Variants in CLUH observed in about 807,000 individuals in gnomAD.
CLUH encodes the protein clustered mitochondria protein homolog.
Under a neutral mutation model 139.3 loss-of-function variants are expected in CLUH, and 77 were observed. That is an observed-to-expected ratio of 0.55 (90% confidence interval 0.46 to 0.67). The LOEUF is 0.67. Ranked by LOEUF, CLUH falls within the 30% of genes least tolerant of loss-of-function variation. The pLI is 0.00. For missense variants in CLUH, 1,876 were observed against 1,875.8 expected (o/e 1.00, Z 0.00); for synonymous variants, 999 against 801.6 (o/e 1.25, Z -4.16).
At chr17:2,710,193 C>T (rs974604816) in intron 1 of CLUH, among the ~76,000 whole-genome samples, 2 of 152,240 alleles carry the variant, frequency 1.3e-5, no homozygotes, top group Non-Finnish European at 2.9e-5. Flanking sequence ...CACTTCGACT[C>T]TTCGGGTCTC....
At position 2,701,696 on chromosome 17, in the gene CLUH, C is replaced by T. The variant is rs761439519; in HGVS notation, c.661G>A (p.Asp221Asn). 15 of 1,588,242 alleles carry T rather than the reference C, an allele frequency of 9.4e-6. No homozygotes were observed. The highest frequency in any genetic ancestry group is 4.5e-5 in the East Asian group (2 of 44,422). ...RKKGLEMDPIDCTPPEYILPG... is the reference protein window; with the variant it reads ...RKKGLEMDPINCTPPEYILPG... ...AGGATGTACTCGGGTGGTGTGCAGT[C>T]GATGGGGTCCATCTCCAAGCCCTTC... is the stretch of plus-strand genomic sequence containing the variant. Residue 221 changes from aspartate to asparagine, a missense_variant, in exon 5 of 26, where the codon GAC becomes AAC. This residue lies in a region of CLUH where 270 missense variants were observed against 354.7 expected (regional missense o/e 0.76). Transcript: ENST00000651024.
chr17:2,700,550 C>A, intron 8 of CLUH, 76 bp from the exon 9 acceptor site: 1 of 1,556,742 alleles, frequency 6.4e-7, no homozygotes, highest in Non-Finnish European at 8.7e-7. Flanking sequence ...GCTCCTTCTA[C>A]CTTCCTGAGA....
At chr17:2,690,940 G>C (rs933392940) in intron 25 of CLUH, among the ~76,000 whole-genome samples, 163 bp from the exon 26 acceptor site, 4 of 152,140 alleles carry the variant, frequency 2.6e-5, no homozygotes, top group African/African-American at 9.7e-5. Flanking sequence ...CCCTGAACAC[G>C]GAGAAGGTAA....
At position 2,692,050 on chromosome 17, in the gene CLUH, G is replaced by T; in HGVS notation, c.3608C>A (p.Ser1203Ter). ...ACCCTCCTTCTCGTGCTGCAGGGCCGACCGGAACTCAGCTTTGCTCTCGTA... is the reference window on the plus strand; with the variant it reads ...ACCCTCCTTCTCGTGCTGCAGGGCCTACCGGAACTCAGCTTTGCTCTCGTA... ...RVYESKAEFR[S>*]ALQHEKEGYT... The change falls in exon 23 of 26, where the codon TCG (serine) becomes TAG (stop). Residue 1203 changes from serine to a stop codon, truncating the protein, a stop_gained. Transcript: ENST00000651024. LOFTEE classifies it high-confidence loss of function. 1 of 1,603,996 alleles carries T rather than the reference G, an allele frequency of 6.2e-7. No homozygotes were observed. Among genetic ancestry groups the T allele is most frequent in the South Asian group, 1.1e-5 (1 of 89,668 alleles).
Position 2,695,439 on chromosome 17 carries a change from AGCGCATGTTGATGCCCCGCTG to A in CLUH, c.2458_2478del (p.Gln820_Arg826del). 2 of 1,612,412 alleles carry A rather than the reference AGCGCATGTTGATGCCCCGCTG, an allele frequency of 1.2e-6. No homozygotes were observed. Among genetic ancestry groups the A allele is most frequent in the Non-Finnish European group, 1.7e-6 (2 of 1,179,762 alleles). Reference sequence around the variant, plus strand: ...ACCAGCTCCAGCACCTTGCCCAGGTAGCGCATGTTGATGCCCCGCTGGCGCATCACCTCTGCCAGCGTTGCC... The same window carrying A: ...ACCAGCTCCAGCACCTTGCCCAGGTAGCGCATCACCTCTGCCAGCGTTGCC... On this transcript the variant is annotated inframe_deletion, in exon 14 of 26. Transcript: ENST00000651024.
In CLUH at chr17:2,704,500, C is replaced by T. The variant is rs779234149; in HGVS notation, c.165G>A (p.Ala55=). 3.7e-5 allele frequency: 59 copies of T among 1,586,554 alleles called. No individual in the cohort carries two copies. The highest frequency in any genetic ancestry group is 6.9e-5 in the East Asian group (3 of 43,270). ...CPESLKKEAA[A]AEPPRENGLD... ...GCCCATTTTCCCTGGGTGGCTCGGC[C>T]GCCGCCGCCTCCTTCTTCAGGCTCT... The change falls in exon 2 of 26, where the codon GCG becomes GCA. Residue 55 remains alanine, a synonymous_variant. Transcript: ENST00000651024. The surrounding 1 kb of genome is among the most constrained non-coding windows in gnomAD (Gnocchi z 5.7).
chr17:2,690,549 C>T lies in CLUH; in HGVS notation c.*45G>A. 2.1e-6 allele frequency: 3 copies of T among 1,404,048 alleles called. No homozygotes were observed. Among genetic ancestry groups the T allele is most frequent in the Non-Finnish European group, 1.9e-6 (2 of 1,074,118 alleles). The allele number at this position is 1,404,048 out of a possible 1,614,324, so 87.0% of individuals were successfully genotyped here. Reference sequence around the variant, plus strand: ...CGCCCCCTTCTCCCGCAGTCGGGCTCCCTGGTGACGGGGCCGCTGGCTGGC... The same window carrying T: ...CGCCCCCTTCTCCCGCAGTCGGGCTTCCTGGTGACGGGGCCGCTGGCTGGC... On this transcript the variant is annotated 3_prime_UTR_variant, in exon 26 of 26. Transcript: ENST00000651024.
At chr17:2,708,424 A>G (rs542165144) in intron 1 of CLUH, among the ~76,000 whole-genome samples, 140 of 152,048 alleles carry the variant, frequency 9.2e-4, no homozygotes, top group African/African-American at 2.9e-3. Context: ...CTGCACTCTG[A>G]TTACCACAGA....
In CLUH at chr17:2,706,577, C is replaced by A. The variant is rs2070356124; in HGVS notation, c.101-2013G>T. 6.6e-6 allele frequency among the ~76,000 whole-genome samples: 1 copy of A among 152,204 alleles called. No individual in the cohort carries two copies. The highest frequency in any genetic ancestry group is 2.4e-5 in the African/African-American group (1 of 41,460). Reference sequence around the variant, plus strand: ...TGTACAAAGACCTCCCTTCCAGGATCCAACCGCCCCAGGAAGGGCACCCCC... The same window carrying A: ...TGTACAAAGACCTCCCTTCCAGGATACAACCGCCCCAGGAAGGGCACCCCC... On this transcript the variant is annotated intron_variant, in intron 1 of 25. Coordinates refer to ENST00000651024, the MANE Select transcript of CLUH (RefSeq NM_001366661.1). This position sits in a 1 kb window ranked among gnomAD's most constrained non-coding sequence, Gnocchi z 4.6.
In CLUH at chr17:2,704,382, T is replaced by C. The variant is rs779874600; in HGVS notation, c.283A>G (p.Ile95Val). 1 of 1,611,360 alleles carries C rather than the reference T, an allele frequency of 6.2e-7. No individual in the cohort carries two copies. Among genetic ancestry groups the C allele is most frequent in the Non-Finnish European group, 8.5e-7 (1 of 1,178,928 alleles). ...GFSVKILAPG[I>V]EPFSLQVSPQ... ...CTTACCTGCAGGGAGAAGGGCTCGA[T>C]CCCAGGGGCGAGGATCTTCACAGAA... Residue 95 changes from isoleucine (I) to valine (V), a missense_variant, in exon 2 of 26, where the codon ATC (isoleucine) becomes GTC (valine). Ile to Val is a conservative substitution (Grantham distance 29). Transcript: ENST00000651024. This position sits in a 1 kb window ranked among gnomAD's most constrained non-coding sequence, Gnocchi z 5.7.
Position 2,690,777 on chromosome 17 carries a change from G to T in CLUH, c.3864C>A (p.Ser1288Arg). The change falls in exon 26 of 26, where the codon AGC becomes AGA. Residue 1288 changes from serine to arginine, a missense_variant and splice_region_variant. Around this residue, in one of 3 missense-constraint regions of CLUH, gnomAD observed 1,454 missense variants for 1,384.4 expected, o/e 1.05. Coordinates refer to ENST00000651024, the MANE Select transcript of CLUH (RefSeq NM_001366661.1). ...VINGILFIPL[S>R]QKDLENLKAE... ...CTTTCAGATTCTCCAGGTCTTTTTG[G>T]CTGAGGATAAGGGTGGGGATGGAGG... 1 of 1,505,954 alleles carries T rather than the reference G, an allele frequency of 6.6e-7. No homozygotes were observed. The allele number at this position is 1,505,954 out of a possible 1,614,324, so 93.3% of individuals were successfully genotyped here.
intron 1 of CLUH, among the ~76,000 whole-genome samples, chr17:2,710,293 C>T (rs912788951): frequency 2.0e-5 from 3 of 152,208 alleles, no homozygotes; most frequent in Non-Finnish European, 2.9e-5. Context: ...TAGGTTGGGG[C>T]GATGAGCATC....
At chr17:2,700,964 G>T in intron 7 of CLUH, 139 bp from the exon 8 acceptor site, 2 of 1,426,000 alleles carry the variant, frequency 1.4e-6, no homozygotes, top group Non-Finnish European at 1.9e-6. Flanking sequence ...GAAGTGCACG[G>T]GCGCCTCTCC....
Position 2,704,697 on chromosome 17 carries a change from G to A in CLUH, c.101-133C>T, listed in dbSNP as rs2070298107. ...CCTCGAGAGTCCCAGCCTCACGGTC[G>A]CGCCTCGCCCTCCGTGCACCTGCAG... On this transcript the variant is annotated intron_variant, in intron 1 of 25. Coordinates refer to ENST00000651024, the MANE Select transcript of CLUH (RefSeq NM_001366661.1). This position sits in a 1 kb window ranked among gnomAD's most constrained non-coding sequence, Gnocchi z 5.7. 5.8e-6 allele frequency: 5 copies of A among 868,260 alleles called. No homozygotes were observed. The highest frequency in any genetic ancestry group is 2.8e-5 in the Admixed American group (1 of 36,190). The allele number at this position is 868,260 out of a possible 1,614,324, so 53.8% of individuals were successfully genotyped here. A position where few individuals can be genotyped will look rare whatever the true frequency, so the allele number is the denominator to read the frequency against.
At chr17:2,695,144 C>G (rs1220269147) in intron 15 of CLUH, 43 bp from the exon 16 acceptor site, 3 of 1,613,090 alleles carry the variant, frequency 1.9e-6, no homozygotes, top group Non-Finnish European at 2.5e-6. Context: ...CCCTCAGCCC[C>G]ACCTCAGGCT....
At position 2,691,887 on chromosome 17, in the gene CLUH, C is replaced by T. The variant is rs1387797753; in HGVS notation, c.3663G>A (p.Glu1221=). The change falls in exon 24 of 26, where the codon GAG becomes GAA. Residue 1221 remains glutamate, a synonymous_variant. Transcript: ENST00000651024. ...AGCTTTCCTTGGTCTTCTCATGGTC[C>T]TCGCCCAGCTGCGGGGAGGCGGGAA... is the stretch of plus-strand genomic sequence containing the variant. The part of the protein sequence containing the change: ...GYTIYKTQLG[E]DHEKTKESSE... 6.5e-7 allele frequency: 1 copy of T among 1,536,744 alleles called. No homozygotes were observed. Among genetic ancestry groups the T allele is most frequent in the Non-Finnish European group, 8.7e-7 (1 of 1,143,686 alleles).
In CLUH at chr17:2,694,185, A is replaced by G. The variant is rs1334650747; in HGVS notation, c.3029T>C (p.Val1010Ala). 1 of 1,613,286 alleles carries G rather than the reference A, an allele frequency of 6.2e-7. No individual in the cohort carries two copies. The highest frequency in any genetic ancestry group is 1.6e-4 in the Middle Eastern group (1 of 6,062). The change falls in exon 18 of 26, where the codon GTC (valine) becomes GCC (alanine). Residue 1010 changes from valine to alanine, a missense_variant. This residue lies in a region of CLUH where 1,454 missense variants were observed against 1,384.4 expected (regional missense o/e 1.05). Coordinates refer to ENST00000651024, the MANE Select transcript of CLUH (RefSeq NM_001366661.1). Reference sequence around the variant, plus strand: ...GAAGGCATCCGAGGCCTTGGGGTTGACGTGCTTGACCACGGGGAAGATGTT... The same window carrying G: ...GAAGGCATCCGAGGCCTTGGGGTTGGCGTGCTTGACCACGGGGAAGATGTT... The part of the protein sequence containing the change: ...VLNIFPVVKH[V>A]NPKASDAFHF...
At chr17:2,691,460 G>T in intron 25 of CLUH, 149 bp downstream of exon 25, 2 of 756,244 alleles carry the variant, frequency 2.6e-6, no homozygotes, top group South Asian at 1.6e-5. Flanking sequence ...TACTGGGGAG[G>T]CTGAGGCAGG....
chr17:2,700,493 G>C lies in CLUH; in HGVS notation c.1174-19C>G. 5 of 1,604,958 alleles carry C rather than the reference G, an allele frequency of 3.1e-6. No individual in the cohort carries two copies. Among genetic ancestry groups the C allele is most frequent in the Non-Finnish European group, 3.4e-6 (4 of 1,177,094 alleles). ...CTCGGGTCTGCAGAGAGATCAGGGA[G>C]GGAAAAACGAGCTCAGCCTGTGCCC... On this transcript the variant is annotated intron_variant, in intron 8 of 25. Transcript: ENST00000651024.
Sources: allele counts gnomAD v4.1 joint callset (sites outside exome capture counted in the v4.1 genomes callset), GRCh38; gene constraint gnomAD v4.1.1; regional missense constraint gnomAD v4.1.1; non-coding constraint Gnocchi (gnomAD v3.1); transcripts MANE v1.5; gene names NCBI Gene and HGNC (gene_info 2026-07-23, HGNC 2026-07-21).